The following RFX4 variants were observed in gnomAD, a reference collection of about 807,000 sequenced individuals.
RFX4 encodes the protein regulatory factor X4.
Under a neutral mutation model 95.0 loss-of-function variants are expected in RFX4, and 10 were observed. The observed-to-expected ratio is 0.11, with a 90% CI of 0.06 to 0.18. RFX4 has a LOEUF of 0.18. RFX4 is among the 10% of genes least tolerant of loss of function. RFX4 has a pLI of 1.00. For missense variants in RFX4, 640 were observed against 922.0 expected, an observed-to-expected ratio of 0.69 and a Z score of 3.96; for synonymous variants, 321 against 340.7, an observed-to-expected ratio of 0.94 and a Z score of 0.64.
At chr12:106,600,024 A>G (rs1355459782) in intron 1 of RFX4, among the ~76,000 whole-genome samples, 1 of 152,130 alleles carries the variant, frequency 6.6e-6, no homozygotes, top group African/African-American at 2.4e-5. Flanking sequence ...CAAAAACTTT[A>G]TGAGCTTCTC....
At chr12:106,725,120 A>AGAC (rs2042468774) in intron 13 of RFX4, among the ~76,000 whole-genome samples, 1 of 152,188 alleles carries the variant, frequency 6.6e-6, no homozygotes, top group Non-Finnish European at 1.5e-5. Flanking sequence ...AATGGCTTTA[A>AGAC]GACAACCATT....
At chr12:106,758,654 G>T (rs2043154105) in intron 17 of RFX4, among the ~76,000 whole-genome samples, 1 of 152,220 alleles carries the variant, frequency 6.6e-6, no homozygotes, top group Admixed American at 6.5e-5. Context: ...CTCTGTCGGG[G>T]AAGAGGCAGC....
chr12:106,745,928 C>T (rs2042883323), intron 15 of RFX4, among the ~76,000 whole-genome samples: 1 of 152,076 alleles, frequency 6.6e-6, no homozygotes, highest in African/African-American at 2.4e-5. Flanking sequence ...ATCAAATTAT[C>T]ATTAAAAAAA....
At chr12:106,605,270 T>C (rs1015544231) in intron 1 of RFX4, among the ~76,000 whole-genome samples, 4 of 152,342 alleles carry the variant, frequency 2.6e-5, no homozygotes, top group South Asian at 2.1e-4. Flanking sequence ...TCTTGACCTC[T>C]GCAAGACCAA....
chr12:106,693,046 T>C, intron 7 of RFX4: 1 of 390,460 alleles, frequency 2.6e-6, no homozygotes, highest in Non-Finnish European at 5.1e-6. Context: ...TTTGATTCTC[T>C]CCTTTCCCTC....
intron 3 of RFX4, 104 bp downstream of exon 3, chr12:106,639,496 T>C: frequency 9.6e-7 from 1 of 1,044,612 alleles, no homozygotes; most frequent in Non-Finnish European, 1.4e-6. Flanking sequence ...CCTGATAACT[T>C]GACATTCCAC....
chr12:106,643,903 T>C (rs1278030884), intron 3 of RFX4, among the ~76,000 whole-genome samples: 1 of 152,214 alleles, frequency 6.6e-6, no homozygotes, highest in African/African-American at 2.4e-5. Context: ...CAGTGAGACA[T>C]GTGTGTGCAT....
chr12:106,602,593 C>T (rs1054331527), intron 1 of RFX4, among the ~76,000 whole-genome samples: 1 of 152,186 alleles, frequency 6.6e-6, no homozygotes, highest in Non-Finnish European at 1.5e-5. Flanking sequence ...CTGCATCAGC[C>T]ACCTGAGCCT....
intron 2 of RFX4, among the ~76,000 whole-genome samples, chr12:106,625,094 T>A (rs2040266762): frequency 6.6e-6 from 1 of 152,174 alleles, no homozygotes; most frequent in African/African-American, 2.4e-5. Context: ...ATTTTATGGA[T>A]CATCTTGGCC....
intron 5 of RFX4, among the ~76,000 whole-genome samples, chr12:106,684,359 CT>C (rs1446471774): frequency 3.9e-5 from 6 of 152,050 alleles, no homozygotes; most frequent in Admixed American, 1.3e-4. Flanking sequence ...AGAGCGAGAC[CT>C]GTCTCAAAAA....
intron 4 of RFX4, among the ~76,000 whole-genome samples, chr12:106,656,956 A>G (rs1377410480): frequency 6.6e-6 from 1 of 152,208 alleles, no homozygotes; most frequent in Non-Finnish European, 1.5e-5. Flanking sequence ...AAGAACACAA[A>G]TGCAAATGCT....
At chr12:106,725,988 T>C (rs2042487919) in intron 13 of RFX4, among the ~76,000 whole-genome samples, 1 of 152,126 alleles carries the variant, frequency 6.6e-6, no homozygotes, top group Admixed American at 6.5e-5. Context: ...GGCTCACACC[T>C]GTAGTCCCAG....
Position 106,761,616 on chromosome 12 carries a change from G to GAAA in RFX4, c.*148_*149insAAA. On this transcript the variant is annotated 3_prime_UTR_variant, in exon 18 of 18. Coordinates refer to ENST00000392842, the MANE Select transcript of RFX4 (RefSeq NM_213594.3). ...TGCCCATTTTCCTAATGAACATGAGGATGGGATCAATGTGGGATGAATAAA... is the reference window on the plus strand; with the variant it reads ...TGCCCATTTTCCTAATGAACATGAGGAAAATGGGATCAATGTGGGATGAATAAA... 4 of 466,090 alleles carry GAAA rather than the reference G, an allele frequency of 8.6e-6. No homozygotes were observed. Among genetic ancestry groups the GAAA allele is most frequent in the Non-Finnish European group, 1.3e-5 (4 of 318,906 alleles). 28.9% of individuals were successfully genotyped at this position (466,090 alleles called of 1,614,324 possible). A position where few individuals can be genotyped will look rare whatever the true frequency, so the allele number is the denominator to read the frequency against.
chr12:106,693,131 C>G, intron 7 of RFX4: 1 of 441,552 alleles, frequency 2.3e-6, no homozygotes, highest in South Asian at 1.6e-5. Flanking sequence ...CTGTCCATTT[C>G]ATGCCTAACT....
chr12:106,614,697 G>C (rs1172454540), intron 2 of RFX4, among the ~76,000 whole-genome samples: 3 of 151,796 alleles, frequency 2.0e-5, no homozygotes, highest in Admixed American at 2.0e-4. Context: ...TTTTAGTAGA[G>C]ACGGGGTTTC....
At chr12:106,659,889 G>T (rs1052700650) in intron 4 of RFX4, among the ~76,000 whole-genome samples, 5 of 152,162 alleles carry the variant, frequency 3.3e-5, no homozygotes, top group African/African-American at 1.2e-4. Context: ...GCACACACTT[G>T]TCCTTTTGAC....
intron 15 of RFX4, among the ~76,000 whole-genome samples, chr12:106,743,433 T>C (rs1404703882): frequency 2.0e-5 from 3 of 152,206 alleles, no homozygotes; most frequent in Non-Finnish European, 4.4e-5. Flanking sequence ...CCCAAGCCAG[T>C]AGGTGTTAAT....
At chr12:106,600,548 T>A (rs2039686826) in intron 1 of RFX4, among the ~76,000 whole-genome samples, 1 of 152,186 alleles carries the variant, frequency 6.6e-6, no homozygotes, top group South Asian at 2.1e-4. Flanking sequence ...CATAAATAGT[T>A]GCCAAATGCA....
At chr12:106,648,422 G>C (rs2040791642) in intron 3 of RFX4, among the ~76,000 whole-genome samples, 1 of 152,080 alleles carries the variant, frequency 6.6e-6, no homozygotes, top group African/African-American at 2.4e-5. Context: ...CCAGACTTTT[G>C]TGGAGAGGGA....
Sources: allele counts gnomAD v4.1 joint callset (sites outside exome capture counted in the v4.1 genomes callset), GRCh38; gene constraint gnomAD v4.1.1; transcripts MANE v1.5; gene names NCBI Gene and HGNC (gene_info 2026-07-23, HGNC 2026-07-21).